The following PCDHGA1 variants were observed in gnomAD, a reference collection of about 807,000 sequenced individuals.
The protein encoded by PCDHGA1 is protocadherin gamma subfamily A, 1, also known as protocadherin gamma-A1.
A neutral mutation model predicts 58.0 loss-of-function variants in PCDHGA1; 32 were observed. The ratio of observed to expected loss-of-function variants is 0.55; its 90% CI spans 0.42 to 0.74. The LOEUF (loss-of-function observed/expected upper bound fraction) is 0.74. PCDHGA1 is among the 30% of genes least tolerant of loss of function. The pLI, the probability that PCDHGA1 is intolerant of heterozygous loss-of-function variation, is 0.00. For synonymous variants in PCDHGA1, 498 were observed against 501.1 expected, an observed-to-expected ratio of 0.99 and a Z score of 0.08; for missense variants, 1,205 against 1,182.3, an observed-to-expected ratio of 1.02 and a Z score of -0.28.
chr5:141,435,558 T>C (rs1401876733), intron 1 of PCDHGA1, among the ~76,000 whole-genome samples: 1 of 152,136 alleles, frequency 6.6e-6, no homozygotes, highest in Non-Finnish European at 1.5e-5. Flanking sequence ...TTTTGAGTGC[T>C]TTTTTTAGTA....
At position 141,477,924 on chromosome 5, in the gene PCDHGA1, A is replaced by G; in HGVS notation, c.2422-16883A>G. 1 of 1,614,140 alleles carries G rather than the reference A, an allele frequency of 6.2e-7. No homozygotes were observed. On this transcript the variant is annotated intron_variant, in intron 1 of 3. Transcript: ENST00000517417. The surrounding 1 kb of genome is among the most constrained non-coding windows in gnomAD (Gnocchi z 4.9). ...GGCTGGGACGCGGATGCAGGGCACA[A>G]TGCCTGGCTCTCCTACAGTCTCTTG...
rs759706919 is a variant in PCDHGA1 at position 141,374,098 on chromosome 5, G to C, written c.2421+40993G>C. 20 of 1,561,062 alleles carry C rather than the reference G, an allele frequency of 1.3e-5. No homozygotes were observed. The South Asian group carries it at 2.1e-4, about 17-fold the overall frequency. ...ATAAGCCAGTAATGGCGCCTCCGCA[G>C]AGGCATCCGCAGCGCAGCGAGCAGG... On this transcript the variant is annotated intron_variant, in intron 1 of 3. Transcript: ENST00000517417.
intron 1 of PCDHGA1, among the ~76,000 whole-genome samples, chr5:141,459,724 T>C (rs1440632046): frequency 6.6e-6 from 1 of 152,250 alleles, no homozygotes; most frequent in Non-Finnish European, 1.5e-5. Context: ...TGCTTCCTAT[T>C]GTCAATTTTT....
rs578223384 is a variant in PCDHGA1, at chr5:141,400,070, C to A, written c.2421+66965C>A. 4 of 1,613,804 alleles carry A rather than the reference C, an allele frequency of 2.5e-6. No individual in the cohort carries two copies. The African/African-American group carries it at 4.0e-5, about 16-fold the overall frequency. On this transcript the variant is annotated intron_variant, in intron 1 of 3. Transcript: ENST00000517417. ...GTTGCTGTGCGTGATGGTGGACAGC[C>A]GCCACTCTCCGCCACCGCCACGCTG...
At chr5:141,371,014 A>T in intron 1 of PCDHGA1, 1 of 1,614,008 alleles carries the variant, frequency 6.2e-7, no homozygotes, top group Non-Finnish European at 8.5e-7. Context: ...GAGCAGCCAC[A>T]TCACCACCTG....
intron 3 of PCDHGA1, chr5:141,508,179 AG>A (rs1250335236): frequency 1.3e-5 from 2 of 152,326 alleles, no homozygotes; most frequent in Non-Finnish European, 2.9e-5. Flanking sequence ...ACAGGAGAGA[AG>A]GCATCACCCC....
At chr5:141,451,198 C>T (rs1415589731) in intron 1 of PCDHGA1, among the ~76,000 whole-genome samples, 1 of 152,114 alleles carries the variant, frequency 6.6e-6, no homozygotes, top group Non-Finnish European at 1.5e-5. Context: ...AACAAATTAT[C>T]CCAAAACTTA....
intron 1 of PCDHGA1, chr5:141,340,926 C>T (rs1405910388): frequency 6.2e-7 from 1 of 1,613,690 alleles, no homozygotes; most frequent in Non-Finnish European, 8.5e-7. Flanking sequence ...CACGGCCAGC[C>T]CCCTCTCTCC....
At chr5:141,415,736 TAAGG>T (rs2095905512) in intron 1 of PCDHGA1, 1 of 1,289,864 alleles carries the variant, frequency 7.8e-7, no homozygotes, top group Admixed American at 3.4e-5. Flanking sequence ...TGATGTTTAT[TAAGG>T]TTTTTTTTTT....
At chr5:141,365,801 C>G in intron 1 of PCDHGA1, 1 of 1,613,966 alleles carries the variant, frequency 6.2e-7, no homozygotes, top group Non-Finnish European at 8.5e-7. Context: ...CACCTACTCC[C>G]TGGCTGAAGA....
intron 1 of PCDHGA1, among the ~76,000 whole-genome samples, chr5:141,369,797 C>G (rs1238211646): frequency 6.6e-6 from 1 of 152,214 alleles, no homozygotes; most frequent in East Asian, 1.9e-4. Context: ...ACTACGTCTT[C>G]TGCCATCACC....
intron 1 of PCDHGA1, chr5:141,388,443 G>A (rs1242973473): frequency 5.0e-6 from 8 of 1,613,872 alleles, no homozygotes; most frequent in Non-Finnish European, 6.8e-6. Flanking sequence ...AGAGAAATCA[G>A]ATGGCAGTAA....
intron 1 of PCDHGA1, chr5:141,422,992 G>A: frequency 6.2e-7 from 1 of 1,614,238 alleles, no homozygotes; most frequent in Non-Finnish European, 8.5e-7. Flanking sequence ...TGGCTACCTG[G>A]TGACCAAGGT....
At chr5:141,413,306 A>G in intron 1 of PCDHGA1, 1 of 1,613,958 alleles carries the variant, frequency 6.2e-7, no homozygotes, top group Non-Finnish European at 8.5e-7. Context: ...GAGGAATTAG[A>G]GAAAGGCTCT....
In PCDHGA1 at chr5:141,491,723, G is replaced by A. The variant is rs764792125; in HGVS notation, c.2422-3084G>A. The A allele has an allele frequency of 1.7e-5, 27 of 1,606,770 alleles. No individual in the cohort carries two copies. In the African/African-American group the frequency reaches 3.2e-4, roughly 19 times the overall value. On this transcript the variant is annotated intron_variant, in intron 1 of 3. Coordinates refer to ENST00000517417, the MANE Select transcript of PCDHGA1 (RefSeq NM_018912.3). The surrounding 1 kb of genome is among the most constrained non-coding windows in gnomAD (Gnocchi z 6.9). The stretch of plus-strand genomic sequence containing the variant: ...CAGGTGAGGGGCTCGGCGCCGCCCC[G>A]GGCGACCCCTGGGGGCGGCACTGGA...
At position 141,486,094 on chromosome 5, in the gene PCDHGA1, C is replaced by G. The variant is rs749887136; in HGVS notation, c.2422-8713C>G. 2 of 1,614,112 alleles carry G rather than the reference C, an allele frequency of 1.2e-6. No homozygotes were observed. Among genetic ancestry groups the G allele is most frequent in the Admixed American group, 3.3e-5 (2 of 60,018 alleles). ...CTGGAAAGCTTACTCTTTTGGGGCCCCTAGACTTTGAGAGTGAGAATTACT... is the reference window on the plus strand; with the variant it reads ...CTGGAAAGCTTACTCTTTTGGGGCCGCTAGACTTTGAGAGTGAGAATTACT... On this transcript the variant is annotated intron_variant, in intron 1 of 3. Coordinates refer to ENST00000517417, the MANE Select transcript of PCDHGA1 (RefSeq NM_018912.3). The surrounding 1 kb of genome is among the most constrained non-coding windows in gnomAD (Gnocchi z 5.0).
intron 1 of PCDHGA1, chr5:141,397,910 C>G (rs1016162515): frequency 1.3e-5 from 9 of 680,688 alleles, no homozygotes; most frequent in Non-Finnish European, 2.2e-5. Flanking sequence ...GCTTGGCGCT[C>G]CAGATCTCCT....
intron 1 of PCDHGA1, chr5:141,395,503 G>A (rs1428846111): frequency 2.2e-6 from 1 of 457,378 alleles, no homozygotes; most frequent in Non-Finnish European, 3.8e-6. Flanking sequence ...ATTCACTTAA[G>A]AAGTAGCTAC....
At chr5:141,354,992 G>T in intron 1 of PCDHGA1, 2 of 650,704 alleles carry the variant, frequency 3.1e-6, no homozygotes, top group Non-Finnish European at 4.7e-6. Flanking sequence ...TCACCAATCA[G>T]GGGGAAAAGA....
Sources: allele counts gnomAD v4.1 joint callset (sites outside exome capture counted in the v4.1 genomes callset), GRCh38; gene constraint gnomAD v4.1.1; non-coding constraint Gnocchi (gnomAD v3.1); transcripts MANE v1.5; gene names NCBI Gene and HGNC (gene_info 2026-07-23, HGNC 2026-07-21).